UBOX5: variants seen among roughly 807,000 people sequenced by gnomAD.
UBOX5 encodes the protein U-box domain containing 5, also known as RING finger protein 37.
Under a neutral mutation model 39.0 loss-of-function variants are expected in UBOX5, and 28 were observed. The observed-to-expected ratio is 0.72, with a 90% CI of 0.53 to 0.98. The LOEUF is 0.98. Among genes scored for constraint, UBOX5 ranks in the 50% least tolerant of loss-of-function variants. The pLI is 0.00. For missense variants in UBOX5, 585 were observed against 674.4 expected (o/e 0.87, Z 1.47); for synonymous variants, 283 against 275.5 (o/e 1.03, Z -0.27).
At chr20:3,144,078 G>A (rs1351673644) in intron 1 of UBOX5, among the ~76,000 whole-genome samples, 1 of 152,124 alleles carries the variant, frequency 6.6e-6, no homozygotes, top group Non-Finnish European at 1.5e-5. Flanking sequence ...GGATTAGAAG[G>A]CTTAATACTG....
chr20:3,148,044 A>C, intron 1 of UBOX5: 1 of 1,614,200 alleles, frequency 6.2e-7, no homozygotes, highest in Non-Finnish European at 8.5e-7. Context: ...GCACAAGCCA[A>C]GTCTCCAATT....
chr20:3,110,803 G>A (rs150752173), intron 4 of UBOX5: 2,121 of 174,526 alleles, frequency 0.012, 30 homozygotes, highest in South Asian at 0.041. Flanking sequence ...TTCGAGACCA[G>A]CCTGGGCAAC....
At chr20:3,131,916 G>A (rs1280019903) in intron 1 of UBOX5, among the ~76,000 whole-genome samples, 3 of 150,082 alleles carry the variant, frequency 2.0e-5, no homozygotes, top group African/African-American at 7.3e-5. Flanking sequence ...GCTGAGGCAG[G>A]AGAATCGCTT....
At chr20:3,118,759 G>A (rs1211538088) in intron 3 of UBOX5, among the ~76,000 whole-genome samples, 4 of 152,026 alleles carry the variant, frequency 2.6e-5, no homozygotes, top group East Asian at 3.9e-4. Flanking sequence ...GCGACAGAGC[G>A]AGACTCCGTC....
intron 1 of UBOX5, among the ~76,000 whole-genome samples, chr20:3,142,216 CTCT>C (rs2066522828): frequency 6.6e-6 from 1 of 151,002 alleles, no homozygotes; most frequent in Non-Finnish European, 1.5e-5. Flanking sequence ...AATCCCAGCA[CTCT>C]GGGAGGCCAA....
chr20:3,142,864 A>G (rs149023396), intron 1 of UBOX5, among the ~76,000 whole-genome samples: 238 of 151,890 alleles, frequency 1.6e-3, no homozygotes, highest in Non-Finnish European at 2.8e-3. Flanking sequence ...GAACAAGACA[A>G]AGATGCCTAC....
intron 1 of UBOX5, among the ~76,000 whole-genome samples, chr20:3,154,791 C>T (rs959032252): frequency 1.3e-5 from 2 of 151,592 alleles, no homozygotes; most frequent in African/African-American, 4.8e-5. Context: ...TTAGCCTAAC[C>T]AAAAATTATG....
chr20:3,121,765 A>C lies in UBOX5; in HGVS notation c.874T>G (p.Cys292Gly), dbSNP rs1413843176. 6.2e-7 allele frequency: 1 copy of C among 1,613,996 alleles called. No individual in the cohort carries two copies. The highest frequency in any genetic ancestry group is 1.3e-5 in the African/African-American group (1 of 74,980). ...CCCCATGTGGCTTCACTGCGGTTAC[A>C]CTTCTCCAGTGTGCTCTGGTCGATG... ...KVIDQSTLEK[C>G]NRSEATWGRV... is the part of the protein sequence containing the mutation. The change falls in exon 3 of 5, where the codon TGT (cysteine) becomes GGT (glycine). Residue 292 changes from cysteine to glycine, a missense_variant. Transcript: ENST00000217173.
intron 1 of UBOX5, among the ~76,000 whole-genome samples, chr20:3,132,703 C>T (rs2066438897): frequency 6.6e-6 from 1 of 151,656 alleles, no homozygotes; most frequent in South Asian, 2.1e-4. Flanking sequence ...GCCTGTAATC[C>T]CAGCTACTTG....
chr20:3,130,580 A>G (rs1157197972), intron 1 of UBOX5, among the ~76,000 whole-genome samples: 1 of 151,906 alleles, frequency 6.6e-6, no homozygotes, highest in Admixed American at 6.6e-5. Context: ...TTTTTCCTTT[A>G]GTACAATTTT....
intron 1 of UBOX5, among the ~76,000 whole-genome samples, chr20:3,138,176 G>A (rs2148610607): frequency 6.6e-6 from 1 of 152,152 alleles, no homozygotes; most frequent in East Asian, 1.9e-4. Flanking sequence ...AGGAGGCTGA[G>A]GTGAGAGAAT....
intron 4 of UBOX5, chr20:3,111,515 GC>G (rs1334695365): frequency 1.3e-5 from 2 of 152,680 alleles, no homozygotes; most frequent in East Asian, 3.8e-4. Flanking sequence ...TCCCTGCACG[GC>G]CCACCCAGCC....
rs939456440 is a variant in UBOX5, at chr20:3,149,960, G to A, written c.-42+9806C>T. 1.3e-5 allele frequency among the ~76,000 whole-genome samples: 2 copies of A among 151,582 alleles called. No individual in the cohort carries two copies. The highest frequency in any genetic ancestry group is 1.9e-4 in the East Asian group (1 of 5,166). Reference sequence around the variant, plus strand: ...CTTGAACCCAGGAGGCAGAGGTTGCGGTGAGCCAAGACCGTGCCACTGCAC... The same window carrying A: ...CTTGAACCCAGGAGGCAGAGGTTGCAGTGAGCCAAGACCGTGCCACTGCAC... On this transcript the variant is annotated intron_variant, in intron 1 of 4. Transcript: ENST00000217173. The surrounding 1 kb of genome is among the most constrained non-coding windows in gnomAD (Gnocchi z 4.1).
At position 3,121,517 on chromosome 20, in the gene UBOX5, G is replaced by A. The variant is rs2066335568; in HGVS notation, c.1122C>T (p.Asp374=). ...RKIEQAEHVP[D]SNFGVNASCF... The stretch of plus-strand genomic sequence containing the variant: ...AGGAAGCATTTACACCAAAGTTACT[G>A]TCTGGGACATGTTCAGCCTGCTCTA... Residue 374 remains aspartate, a synonymous_variant, in exon 3 of 5, where the codon GAC becomes GAT. Transcript: ENST00000217173. 1.9e-6 allele frequency: 3 copies of A among 1,613,964 alleles called. No homozygotes were observed. The highest frequency in any genetic ancestry group is 2.5e-6 in the Non-Finnish European group (3 of 1,179,940).
intron 1 of UBOX5, among the ~76,000 whole-genome samples, chr20:3,153,590 A>G (rs2066653908): frequency 6.6e-6 from 1 of 152,226 alleles, no homozygotes; most frequent in Non-Finnish European, 1.5e-5. Flanking sequence ...GGATGTCAGA[A>G]AACAGGTTCG....
intron 1 of UBOX5, chr20:3,148,408 G>T (rs1236569835): frequency 1.2e-6 from 2 of 1,614,096 alleles, no homozygotes. Flanking sequence ...GCATTGAATG[G>T]GAGTGAGGGA....
At chr20:3,150,018 C>CAAA (rs1358453716) in intron 1 of UBOX5, among the ~76,000 whole-genome samples, 1 of 110,566 alleles carries the variant, frequency 9.0e-6, no homozygotes, top group Non-Finnish European at 1.9e-5. Context: ...GACTCCATCT[C>CAAA]AAAAAAAAAA....
chr20:3,110,842 A>G (rs1209864455), intron 4 of UBOX5: 4 of 118,994 alleles, frequency 3.4e-5, no homozygotes, highest in African/African-American at 1.0e-4. Context: ...TACAAAAAAG[A>G]AAAAAAAAAA....
At chr20:3,139,004 T>C (rs1158895828) in intron 1 of UBOX5, among the ~76,000 whole-genome samples, 3 of 152,126 alleles carry the variant, frequency 2.0e-5, no homozygotes, top group Non-Finnish European at 4.4e-5. Flanking sequence ...GAAGAAAAGA[T>C]TACCTGTCAA....
Sources: gnomAD v4.1 joint callset for allele counts (sites outside exome capture counted in the v4.1 genomes callset) on GRCh38, gnomAD v4.1.1 for gene constraint, Gnocchi (gnomAD v3.1) non-coding constraint, MANE v1.5 for transcripts, NCBI Gene and HGNC (gene_info 2026-07-23, HGNC 2026-07-21) for gene names.